DCLK2: variants seen among roughly 807,000 people sequenced by gnomAD.
DCLK2 encodes the protein serine/threonine-protein kinase DCLK2.
A neutral mutation model predicts 78.4 loss-of-function variants in DCLK2; 31 were observed. The ratio of observed to expected loss-of-function variants is 0.40; its 90% confidence interval spans 0.30 to 0.53. The LOEUF is 0.53. Among genes scored for constraint, DCLK2 ranks in the 20% least tolerant of loss-of-function variants. The pLI is 0.61. For synonymous variants in DCLK2, 407 were observed against 374.9 expected (o/e 1.09, Z -0.99); for missense variants, 872 against 973.7 (o/e 0.90, Z 1.39).
rs1738588566 is a variant in DCLK2 at position 150,193,064 on chromosome 4, A to G, written c.757-74A>G. On this transcript the variant is annotated intron_variant, in intron 2 of 15. Coordinates refer to ENST00000296550, the MANE Select transcript of DCLK2 (RefSeq NM_001040260.4). ...CAATACTTAAAATTCAGGCTTAAAA[A>G]TTCATTTAGTTTTGCTTTTCATTTC... is the stretch of plus-strand genomic sequence containing the variant. 15 of 897,316 alleles carry G rather than the reference A, an allele frequency of 1.7e-5. No homozygotes were observed. In the South Asian group the frequency reaches 2.5e-4, roughly 15 times the overall value. 55.6% of individuals were successfully genotyped at this position (897,316 alleles called of 1,614,324 possible).
intron 5 of DCLK2, among the ~76,000 whole-genome samples, chr4:150,207,889 A>C (rs1739958568): frequency 6.6e-6 from 1 of 152,184 alleles, no homozygotes; most frequent in Admixed American, 6.5e-5. Context: ...TATAGAGACC[A>C]CTGTAGTGGA....
At position 150,078,459 on chromosome 4, in the gene DCLK2, C is replaced by G. The variant is rs966007214; in HGVS notation, c.-569C>G. On this transcript the variant is annotated 5_prime_UTR_variant, in exon 1 of 16. Transcript: ENST00000296550. ...AGGAAGGGGCCAGACACGGCCCTCT[C>G]AGCCCCGAACGGCGCGCGCTGCCCG... The G allele has an allele frequency of 2.6e-5, 4 of 151,638 alleles. No homozygotes were observed. Among genetic ancestry groups the G allele is most frequent in the African/African-American group, 9.7e-5 (4 of 41,436 alleles). The allele number at this position is 151,638 out of a possible 1,614,324, so 9.4% of individuals were successfully genotyped here.
chr4:150,168,042 A>G (rs939147595), intron 2 of DCLK2, among the ~76,000 whole-genome samples: 3 of 152,180 alleles, frequency 2.0e-5, no homozygotes, highest in Non-Finnish European at 4.4e-5. Flanking sequence ...AAGCATGCCA[A>G]CGTGTAAAAC....
chr4:150,188,702 C>T (rs1738144333), intron 2 of DCLK2, among the ~76,000 whole-genome samples: 1 of 151,780 alleles, frequency 6.6e-6, no homozygotes, highest in South Asian at 2.1e-4. Context: ...GAGATCGAGA[C>T]CATCCTGGCT....
chr4:150,084,645 G>A (rs533296206), intron 1 of DCLK2, among the ~76,000 whole-genome samples: 1 of 152,332 alleles, frequency 6.6e-6, no homozygotes, highest in South Asian at 2.1e-4. Flanking sequence ...GTATGACACA[G>A]TGATACTCTG....
chr4:150,193,620 G>A (rs1377056500), intron 3 of DCLK2, among the ~76,000 whole-genome samples: 1 of 152,130 alleles, frequency 6.6e-6, no homozygotes, highest in Admixed American at 6.6e-5. Flanking sequence ...GAAACAATTA[G>A]TCATCCATTT....
At chr4:150,111,211 T>A (rs1731671131) in intron 2 of DCLK2, among the ~76,000 whole-genome samples, 1 of 152,138 alleles carries the variant, frequency 6.6e-6, no homozygotes, top group Non-Finnish European at 1.5e-5. Context: ...GTCATTGTGG[T>A]TTTAATTTGC....
intron 2 of DCLK2, among the ~76,000 whole-genome samples, chr4:150,107,196 G>T (rs1731321505): frequency 1.3e-5 from 2 of 152,156 alleles, no homozygotes; most frequent in Admixed American, 1.3e-4. Flanking sequence ...GAGTAAGTGA[G>T]CTGATTCAAA....
chr4:150,235,259 A>T (rs1042924499), intron 10 of DCLK2, among the ~76,000 whole-genome samples: 19 of 152,162 alleles, frequency 1.2e-4, no homozygotes, highest in Admixed American at 1.2e-3. Flanking sequence ...TTTTCCACTC[A>T]GAGTTTCTTA....
At chr4:150,134,291 A>C (rs1181678281) in intron 2 of DCLK2, among the ~76,000 whole-genome samples, 1 of 152,044 alleles carries the variant, frequency 6.6e-6, no homozygotes, top group Non-Finnish European at 1.5e-5. Context: ...CATGTTGGTC[A>C]GGCTGCTCTC....
intron 5 of DCLK2, among the ~76,000 whole-genome samples, chr4:150,210,198 A>G (rs1740183866): frequency 2.6e-5 from 4 of 152,222 alleles, no homozygotes; most frequent in Admixed American, 1.3e-4. Flanking sequence ...AAAAGGGATT[A>G]ATAGGACCTA....
chr4:150,211,476 C>T (rs1293390072), intron 5 of DCLK2, among the ~76,000 whole-genome samples: 1 of 152,130 alleles, frequency 6.6e-6, no homozygotes, highest in Non-Finnish European at 1.5e-5. Context: ...GGAGCTGGGG[C>T]TCATGAGGGC....
At chr4:150,228,342 C>T (rs1361418402) in intron 8 of DCLK2, among the ~76,000 whole-genome samples, 5 of 152,216 alleles carry the variant, frequency 3.3e-5, no homozygotes, top group Non-Finnish European at 7.3e-5. Flanking sequence ...TACATTTTCT[C>T]TCTCTCACCA....
intron 14 of DCLK2, among the ~76,000 whole-genome samples, 184 bp from the exon 15 acceptor site, chr4:150,249,384 G>T (rs952538889): frequency 1.3e-5 from 2 of 151,940 alleles, no homozygotes; most frequent in Non-Finnish European, 2.9e-5. Context: ...TGAGGGCATG[G>T]GCCTACTGAA....
intron 10 of DCLK2, among the ~76,000 whole-genome samples, chr4:150,234,103 A>C (rs1742289223): frequency 6.6e-6 from 1 of 152,214 alleles, no homozygotes; most frequent in Non-Finnish European, 1.5e-5. Flanking sequence ...TTGACTTACC[A>C]GCAGCCTTAC....
At position 150,190,229 on chromosome 4, in the gene DCLK2, GGATAGTTAGATAGATAGATAGATA is replaced by G. The variant is rs1488295502; in HGVS notation, c.757-2903_757-2880del. Reference sequence around the variant, plus strand: ...GATATAGATAGATAGATGGATAGATGGATAGTTAGATAGATAGATAGATAGATAGATAGATAGATAGATAGATAG... The same window carrying G: ...GATATAGATAGATAGATGGATAGATGGATAGATAGATAGATAGATAGATAG... On this transcript the variant is annotated intron_variant, in intron 2 of 15. Coordinates refer to ENST00000296550, the MANE Select transcript of DCLK2 (RefSeq NM_001040260.4). Among the ~76,000 whole-genome samples the G allele has an allele frequency of 3.6e-4, 33 of 91,784 alleles. 1 individual carries two copies. The highest frequency in any genetic ancestry group is 1.1e-3 in the African/African-American group (30 of 27,736). 60.2% of individuals were successfully genotyped at this position (91,784 alleles called of 152,430 possible).
rs1324003745 is a variant in DCLK2, at chr4:150,203,895, A to G, written c.1056+6A>G. Reference sequence around the variant, plus strand: ...GAAGTTTCAGAGGATTAAAGGTATGAAATAGGATATGTGGCATATTTGTGT... The same window carrying G: ...GAAGTTTCAGAGGATTAAAGGTATGGAATAGGATATGTGGCATATTTGTGT... On this transcript the variant is annotated splice_donor_region_variant and intron_variant, in intron 5 of 15. Coordinates refer to ENST00000296550, the MANE Select transcript of DCLK2 (RefSeq NM_001040260.4). The G allele has an allele frequency of 6.2e-7, 1 of 1,601,838 alleles. No homozygotes were observed. Among genetic ancestry groups the G allele is most frequent in the African/African-American group, 1.3e-5 (1 of 74,648 alleles).
At chr4:150,168,240 G>A (rs577119099) in intron 2 of DCLK2, among the ~76,000 whole-genome samples, 4 of 151,950 alleles carry the variant, frequency 2.6e-5, no homozygotes, top group African/African-American at 7.2e-5. Context: ...CTACTCTGGA[G>A]ACTGAGGCAG....
chr4:150,199,272 CAGA>C (rs1476227003), intron 4 of DCLK2, among the ~76,000 whole-genome samples: 1 of 152,150 alleles, frequency 6.6e-6, no homozygotes, highest in Admixed American at 6.5e-5. Flanking sequence ...TGGTTATCAT[CAGA>C]AGATTACCAA....
Sources: allele counts gnomAD v4.1 joint callset (sites outside exome capture counted in the v4.1 genomes callset), GRCh38; gene constraint gnomAD v4.1.1; transcripts MANE v1.5; gene names NCBI Gene and HGNC (gene_info 2026-07-23, HGNC 2026-07-21).